The following TP63 variants were observed in gnomAD, a reference collection of about 807,000 sequenced individuals.
TP63 encodes tumor protein 63.
TP63 carries 17 observed loss-of-function variants against 82.8 expected under a neutral mutation model. The observed-to-expected ratio is 0.21, with a 90% CI of 0.14 to 0.31. TP63 has a LOEUF of 0.31. TP63 is among the 10% of genes least tolerant of loss of function. The probability of loss-of-function intolerance (pLI) is 1.00; values close to 1 mark genes in which losing one functional copy is unlikely to be tolerated. For missense variants in TP63, 648 were observed against 895.3 expected (o/e 0.72, Z 3.52); for synonymous variants, 330 against 321.7 (o/e 1.03, Z -0.28).
chr3:189,643,801 G>A (rs1020351854), intron 1 of TP63, among the ~76,000 whole-genome samples: 5 of 152,126 alleles, frequency 3.3e-5, no homozygotes, highest in East Asian at 1.9e-4. Context: ...TTTTCATTGC[G>A]GTGGACAGGA....
chr3:189,624,830 C>T, the TP63 span, among the ~76,000 whole-genome samples: 1 of 152,140 alleles, frequency 6.6e-6, no homozygotes, highest in Non-Finnish European at 1.5e-5. Flanking sequence ...AGTCTCCAGC[C>T]ATTGTTGAAC....
At chr3:189,843,139 G>A (rs1714372150) in intron 4 of TP63, among the ~76,000 whole-genome samples, 2 of 152,224 alleles carry the variant, frequency 1.3e-5, no homozygotes, top group African/African-American at 4.8e-5. Flanking sequence ...GGAGGACACA[G>A]CTGCCTCTGG....
At chr3:189,596,943 C>T in the TP63 span, among the ~76,000 whole-genome samples, 1 of 152,118 alleles carries the variant, frequency 6.6e-6, no homozygotes, top group East Asian at 1.9e-4. Context: ...CCAGACGCAC[C>T]GCCTTAAGAA....
At chr3:189,851,385 A>T (rs1230641624) in intron 4 of TP63, among the ~76,000 whole-genome samples, 1 of 151,722 alleles carries the variant, frequency 6.6e-6, no homozygotes, top group Non-Finnish European at 1.5e-5. Context: ...CATGGGGGAA[A>T]CCCCGTCTCT....
chr3:189,635,175 C>T (rs1729697713), intron 1 of TP63, among the ~76,000 whole-genome samples: 1 of 151,844 alleles, frequency 6.6e-6, no homozygotes, highest in Admixed American at 6.6e-5. Context: ...AAAGAAGCAT[C>T]GAACTATTAA....
intron 1 of TP63, among the ~76,000 whole-genome samples, chr3:189,701,579 A>G (rs1717811992): frequency 1.4e-5 from 2 of 147,688 alleles, no homozygotes; most frequent in African/African-American, 5.0e-5. Context: ...TATATGTGTA[A>G]TTTTTAAGTT....
chr3:189,597,177 A>C, the TP63 span, among the ~76,000 whole-genome samples: 4 of 152,204 alleles, frequency 2.6e-5, no homozygotes, highest in African/African-American at 4.8e-5. Flanking sequence ...AGAGATTTTG[A>C]AAACTATGAA....
chr3:189,884,853 T>G (rs889871857), intron 10 of TP63, among the ~76,000 whole-genome samples: 1 of 152,236 alleles, frequency 6.6e-6, no homozygotes, highest in Non-Finnish European at 1.5e-5. Context: ...GGCTCTCCAT[T>G]GACATGGAAT....
intron 3 of TP63, among the ~76,000 whole-genome samples, chr3:189,748,865 C>G (rs1721585368): frequency 6.6e-6 from 1 of 151,882 alleles, no homozygotes; most frequent in Admixed American, 6.6e-5. Flanking sequence ...AATAGGAAAT[C>G]CAAAATTAAA....
At chr3:189,815,390 T>A (rs1385537085) in intron 4 of TP63, among the ~76,000 whole-genome samples, 1 of 152,164 alleles carries the variant, frequency 6.6e-6, no homozygotes, top group Non-Finnish European at 1.5e-5. Context: ...ATGAGCCGAA[T>A]GATAAGTACA....
chr3:189,623,650 C>T, the TP63 span, among the ~76,000 whole-genome samples: 23 of 152,290 alleles, frequency 1.5e-4, no homozygotes, highest in Non-Finnish European at 1.5e-5. Flanking sequence ...AAAGAATATT[C>T]ATGTTGAATC....
intron 10 of TP63, among the ~76,000 whole-genome samples, chr3:189,878,254 CAG>C (rs1258858150): frequency 6.6e-6 from 1 of 152,050 alleles, no homozygotes; most frequent in Non-Finnish European, 1.5e-5. Flanking sequence ...CTAGGTTAGA[CAG>C]AGAAATCCTC....
At chr3:189,843,310 GGTAA>G (rs2108747291) in intron 4 of TP63, among the ~76,000 whole-genome samples, 1 of 152,266 alleles carries the variant, frequency 6.6e-6, no homozygotes, top group East Asian at 1.9e-4. Context: ...TGGTCCTCAC[GGTAA>G]GTGAGTAGCA....
intron 4 of TP63, among the ~76,000 whole-genome samples, chr3:189,842,540 T>A (rs1714281188): frequency 6.6e-6 from 1 of 152,202 alleles, no homozygotes; most frequent in African/African-American, 2.4e-5. Flanking sequence ...TACAGATAAT[T>A]GTGTCTTCCT....
intron 4 of TP63, among the ~76,000 whole-genome samples, chr3:189,821,182 T>C (rs1255868125): frequency 6.6e-6 from 1 of 152,246 alleles, no homozygotes; most frequent in African/African-American, 2.4e-5. Flanking sequence ...TTTTGGTAGC[T>C]AGTGCTGTGA....
At chr3:189,724,492 C>T (rs1386634750) in intron 1 of TP63, among the ~76,000 whole-genome samples, 2 of 152,114 alleles carry the variant, frequency 1.3e-5, no homozygotes, top group South Asian at 2.1e-4. Flanking sequence ...ACCCTTTCCC[C>T]GGCTCCCCAA....
chr3:189,811,641 T>TA (rs1560208439), intron 4 of TP63, among the ~76,000 whole-genome samples: 1 of 152,228 alleles, frequency 6.6e-6, no homozygotes, highest in African/African-American at 2.4e-5. Context: ...CTTCCCATTT[T>TA]AAAAAGTATT....
intron 1 of TP63, among the ~76,000 whole-genome samples, chr3:189,717,743 A>G (rs1449017243): frequency 6.6e-6 from 1 of 152,196 alleles, no homozygotes; most frequent in Non-Finnish European, 1.5e-5. Flanking sequence ...GTGCTGCATA[A>G]GCCCTTTCCT....
intron 1 of TP63, among the ~76,000 whole-genome samples, chr3:189,703,453 T>TAGATAGATAGATAGATAGAG (rs1329985145): frequency 2.0e-5 from 3 of 151,896 alleles, no homozygotes; most frequent in African/African-American, 7.3e-5. Flanking sequence ...GATAGATAGA[T>TAGATAGATAGATAGATAGAG]AGATAGATAG....
Sources: allele counts gnomAD v4.1 joint callset (sites outside exome capture counted in the v4.1 genomes callset), GRCh38; gene constraint gnomAD v4.1.1; transcripts MANE v1.5; gene names NCBI Gene and HGNC (gene_info 2026-07-23, HGNC 2026-07-21).